WWOX: variants seen among roughly 807,000 people sequenced by gnomAD.
The protein encoded by WWOX is WW domain containing oxidoreductase.
WWOX carries 69 observed loss-of-function variants against 46.2 expected under a neutral mutation model. The ratio of observed to expected loss-of-function variants is 1.49; its 90% CI spans 1.23 to 1.82. The LOEUF (loss-of-function observed/expected upper bound fraction) is 1.82, where lower values mean the gene tolerates loss of function less well. Among genes scored for constraint, WWOX ranks in the 40% most tolerant of loss-of-function variants. The probability of loss-of-function intolerance (pLI) is 0.00; values close to 1 mark genes in which losing one functional copy is unlikely to be tolerated. For synonymous variants in WWOX, 359 were observed against 202.6 expected, an observed-to-expected ratio of 1.77 and a Z score of -6.56; for missense variants, 919 against 542.6, an observed-to-expected ratio of 1.69 and a Z score of -6.89.
chr16:79,003,812 C>T (rs1334302271), intron 8 of WWOX, among the ~76,000 whole-genome samples: 1 of 152,118 alleles, frequency 6.6e-6, no homozygotes, highest in Non-Finnish European at 1.5e-5. Flanking sequence ...ACTTCCACTG[C>T]ATCTTTGGGG....
In WWOX at chr16:78,583,348, C is replaced by T. The variant is rs1185172134; in HGVS notation, c.1056+150596C>T. On this transcript the variant is annotated intron_variant, in intron 8 of 8. Transcript: ENST00000566780. Reference sequence around the variant, plus strand: ...CACTTCCAGAGTAATTCTGACAGTACTCAGATTTGCTTCATGTACCCATTC... The same window carrying T: ...CACTTCCAGAGTAATTCTGACAGTATTCAGATTTGCTTCATGTACCCATTC... Among the ~76,000 whole-genome samples the T allele has an allele frequency of 3.9e-5, 6 of 152,164 alleles. No homozygotes were observed. In the East Asian group the frequency reaches 9.6e-4, roughly 24 times the overall value.
chr16:78,894,020 T>TCTATTATTATTATTA (rs1555561423), intron 8 of WWOX, among the ~76,000 whole-genome samples: 1 of 140,080 alleles, frequency 7.1e-6, no homozygotes, highest in Admixed American at 7.4e-5. Context: ...TATTGAGGCT[T>TCTATTATTATTATTA]TTATTATTAT....
intron 8 of WWOX, among the ~76,000 whole-genome samples, chr16:78,968,597 C>A (rs1481509524): frequency 1.3e-5 from 2 of 152,188 alleles, no homozygotes; most frequent in East Asian, 1.9e-4. Flanking sequence ...GCAGGCTTTT[C>A]CCAAGGACCC....
chr16:79,148,906 G>GA (rs2050227886), intron 8 of WWOX, among the ~76,000 whole-genome samples: 1 of 151,786 alleles, frequency 6.6e-6, no homozygotes. Context: ...AGTTCCAGGA[G>GA]TTTTTTATTT....
At chr16:79,049,355 A>G (rs1415443763) in intron 8 of WWOX, among the ~76,000 whole-genome samples, 1 of 152,136 alleles carries the variant, frequency 6.6e-6, no homozygotes, top group African/African-American at 2.4e-5. Context: ...AACACAGGGG[A>G]TTTATTCGGC....
chr16:78,567,575 A>AG (rs2044603761), intron 8 of WWOX, among the ~76,000 whole-genome samples: 1 of 148,628 alleles, frequency 6.7e-6, no homozygotes, highest in African/African-American at 2.5e-5. Flanking sequence ...AAAAAAAAAA[A>AG]GAAGTGAGTT....
intron 8 of WWOX, among the ~76,000 whole-genome samples, chr16:78,768,519 G>T (rs970344794): frequency 6.6e-6 from 1 of 151,796 alleles, no homozygotes; most frequent in East Asian, 1.9e-4. Context: ...GAACTTGGGA[G>T]GCAAAGGTTG....
intron 8 of WWOX, among the ~76,000 whole-genome samples, chr16:79,057,431 T>A (rs9319535): frequency 1.3e-5 from 2 of 151,954 alleles, no homozygotes; most frequent in African/African-American, 2.4e-5. Context: ...CATTAGTTTC[T>A]TGTGATAGGT....
chr16:78,151,404 G>T (rs954073393), intron 4 of WWOX, among the ~76,000 whole-genome samples: 1 of 152,024 alleles, frequency 6.6e-6, no homozygotes, highest in Non-Finnish European at 1.5e-5. Flanking sequence ...GGGATCAGTG[G>T]TTTTTCTCTT....
chr16:78,328,250 A>G (rs2151889736), intron 5 of WWOX, among the ~76,000 whole-genome samples: 1 of 152,202 alleles, frequency 6.6e-6, no homozygotes, highest in East Asian at 1.9e-4. Context: ...AAGTGGCAGC[A>G]AAACTTGATT....
chr16:78,898,924 A>G (rs1289118570), intron 8 of WWOX: 1 of 152,136 alleles, frequency 6.6e-6, no homozygotes, highest in Non-Finnish European at 1.5e-5. Flanking sequence ...TGTTTCTAAT[A>G]TATAGAAATA....
Position 78,529,204 on chromosome 16 carries a change from C to G in WWOX, c.1056+96452C>G, listed in dbSNP as rs138592291. Among the ~76,000 whole-genome samples the G allele has an allele frequency of 1.9e-3, 296 of 152,250 alleles. 2 individuals are homozygous for G. The highest frequency in any genetic ancestry group is 6.6e-3 in the African/African-American group (274 of 41,556). ...TCCTGGCCTCAAAGGATCCTCCCACCTCAGCCTCCCAAAATGCCGAGATTA... is the reference window on the plus strand; with the variant it reads ...TCCTGGCCTCAAAGGATCCTCCCACGTCAGCCTCCCAAAATGCCGAGATTA... On this transcript the variant is annotated intron_variant, in intron 8 of 8. Coordinates refer to ENST00000566780, the MANE Select transcript of WWOX (RefSeq NM_016373.4).
chr16:78,419,872 G>A (rs2082882387), intron 6 of WWOX, among the ~76,000 whole-genome samples: 1 of 151,916 alleles, frequency 6.6e-6, no homozygotes, highest in African/African-American at 2.4e-5. Flanking sequence ...CAGAATGGGG[G>A]AAATACTTAC....
At chr16:78,133,647 C>T (rs1054882592) in intron 4 of WWOX, among the ~76,000 whole-genome samples, 9 of 152,018 alleles carry the variant, frequency 5.9e-5, no homozygotes, top group Non-Finnish European at 1.0e-4. Flanking sequence ...CCACCCGCCT[C>T]GGCCTCCCAA....
intron 5 of WWOX, among the ~76,000 whole-genome samples, chr16:78,373,188 C>CT (rs1186233810): frequency 6.6e-6 from 1 of 152,134 alleles, no homozygotes; most frequent in Admixed American, 6.5e-5. Flanking sequence ...TTCCCTAGAG[C>CT]TTCAGACTCA....
chr16:79,196,053 C>G (rs760368185), intron 8 of WWOX, among the ~76,000 whole-genome samples: 3 of 152,116 alleles, frequency 2.0e-5, no homozygotes, highest in Non-Finnish European at 4.4e-5. Flanking sequence ...TCAGTAGGAA[C>G]CTGTTTGCAT....
chr16:78,569,668 A>T (rs1287098586), intron 8 of WWOX, among the ~76,000 whole-genome samples: 1 of 152,228 alleles, frequency 6.6e-6, no homozygotes, highest in Non-Finnish European at 1.5e-5. Context: ...CATTTTTATT[A>T]AACTCTCAGT....
intron 8 of WWOX, among the ~76,000 whole-genome samples, chr16:78,907,760 G>T (rs912410193): frequency 6.6e-6 from 1 of 152,172 alleles, no homozygotes; most frequent in Non-Finnish European, 1.5e-5. Context: ...TTTCTCTGAG[G>T]AGATCCCATT....
At chr16:78,806,918 G>C (rs549221749) in intron 8 of WWOX, among the ~76,000 whole-genome samples, 1 of 152,208 alleles carries the variant, frequency 6.6e-6, no homozygotes, top group Non-Finnish European at 1.5e-5. Flanking sequence ...TATTTGGCAA[G>C]GGGTCAGGAA....
Sources: allele counts gnomAD v4.1 joint callset (sites outside exome capture counted in the v4.1 genomes callset), GRCh38; gene constraint gnomAD v4.1.1; transcripts MANE v1.5; gene names NCBI Gene and HGNC (gene_info 2026-07-23, HGNC 2026-07-21).